SHQ1: variants seen among roughly 807,000 people sequenced by gnomAD.
SHQ1 encodes the protein protein SHQ1 homolog.
SHQ1 carries 49 observed loss-of-function variants against 53.8 expected under a neutral mutation model. That is an observed-to-expected ratio of 0.91 (90% CI 0.72 to 1.16). The LOEUF is 1.16. Ranked by LOEUF, SHQ1 falls within the 50% of genes most tolerant of loss-of-function variation. The pLI is 0.00. For missense variants in SHQ1, 738 were observed against 683.1 expected, an observed-to-expected ratio of 1.08 and a Z score of -0.90; for synonymous variants, 243 against 251.0, an observed-to-expected ratio of 0.97 and a Z score of 0.30.
chr3:72,735,153 A>G, the SHQ1 span, among the ~76,000 whole-genome samples: 1 of 151,770 alleles, frequency 6.6e-6, no homozygotes, highest in East Asian at 1.9e-4. Flanking sequence ...TCTCCTTTAG[A>G]GCCTTTCATA....
chr3:72,737,561 A>G, the SHQ1 span, among the ~76,000 whole-genome samples: 41 of 152,226 alleles, frequency 2.7e-4, no homozygotes, highest in Non-Finnish European at 5.7e-4. Context: ...AAATTTGCCA[A>G]TGCTCAAGTC....
chr3:72,841,324 A>G, intron 3 of SHQ1, 125 bp from the exon 4 acceptor site: 1 of 683,742 alleles, frequency 1.5e-6, no homozygotes, highest in South Asian at 2.5e-5. Flanking sequence ...TACTAAAAGA[A>G]TATTCATAGC....
At position 72,750,184 on chromosome 3, in the gene SHQ1, T is replaced by C. The variant is rs374881424; in HGVS notation, c.*100A>G. ...ACACACAAATACAGTGGGCTGACTA[T>C]ATACTAAGAAAAATTACAAAGTGAA... On this transcript the variant is annotated 3_prime_UTR_variant, in exon 11 of 11. Transcript: ENST00000325599. 5.6e-4 allele frequency: 581 copies of C among 1,039,066 alleles called. 3 individuals carry two copies. The Middle Eastern group carries it at 7.1e-3, about 13-fold the overall frequency. The allele number at this position is 1,039,066 out of a possible 1,614,324, so 64.4% of individuals were successfully genotyped here.
chr3:72,828,732 G>A (rs1038437078), intron 5 of SHQ1, among the ~76,000 whole-genome samples: 2 of 152,126 alleles, frequency 1.3e-5, no homozygotes, highest in Admixed American at 6.6e-5. Flanking sequence ...GTATAGGTGG[G>A]GAAATGCAAA....
intron 10 of SHQ1, among the ~76,000 whole-genome samples, chr3:72,754,654 TA>T (rs1256342455): frequency 6.6e-6 from 1 of 152,154 alleles, no homozygotes; most frequent in African/African-American, 2.4e-5. Flanking sequence ...GTGCTGGGAT[TA>T]CAGGCATGAG....
intron 10 of SHQ1, among the ~76,000 whole-genome samples, chr3:72,760,287 T>G (rs1705579665): frequency 6.6e-6 from 1 of 152,186 alleles, no homozygotes; most frequent in African/African-American, 2.4e-5. Flanking sequence ...AAGGAAATGA[T>G]ATACTAGAAT....
At position 72,848,303 on chromosome 3, in the gene SHQ1, T is replaced by C. The variant is rs930452431; in HGVS notation, c.38A>G (p.Asp13Gly). The C allele has an allele frequency of 6.2e-7, 1 of 1,614,006 alleles. No homozygotes were observed. The highest frequency in any genetic ancestry group is 8.5e-7 in the Non-Finnish European group (1 of 1,179,988). ...CACGCGGATGGCGATAGTCAGGAAG[T>C]CCGGATCCTGGCTGAGGTCGAACGC... ...TPAFDLSQDP[D>G]FLTIAIRVPY... Residue 13 changes from aspartate (D) to glycine (G), a missense_variant, in exon 1 of 11, where the codon GAC (aspartate) becomes GGC (glycine). Coordinates refer to ENST00000325599, the MANE Select transcript of SHQ1 (RefSeq NM_018130.3).
chr3:72,743,284 T>G, the SHQ1 span, among the ~76,000 whole-genome samples: 1 of 152,230 alleles, frequency 6.6e-6, no homozygotes, highest in African/African-American at 2.4e-5. Flanking sequence ...CCTGATTCAC[T>G]GGGATAATGT....
chr3:72,780,378 A>G (rs1484450536), intron 10 of SHQ1, among the ~76,000 whole-genome samples: 1 of 152,258 alleles, frequency 6.6e-6, no homozygotes. Context: ...AAACAAGCAG[A>G]CAGGACAAAT....
chr3:72,826,063 T>TA (rs1454216351), intron 5 of SHQ1, among the ~76,000 whole-genome samples: 23 of 152,234 alleles, frequency 1.5e-4, no homozygotes, highest in African/African-American at 5.3e-4. Flanking sequence ...AGAGAACAAG[T>TA]AAAAACCATA....
intron 8 of SHQ1, among the ~76,000 whole-genome samples, chr3:72,814,319 G>A (rs1339694487): frequency 6.6e-6 from 1 of 152,190 alleles, no homozygotes; most frequent in Non-Finnish European, 1.5e-5. Context: ...GGCAACATGA[G>A]GAACTCCAAT....
At chr3:72,799,742 ATATAT>A (rs1177957836) in intron 9 of SHQ1, among the ~76,000 whole-genome samples, 1 of 152,212 alleles carries the variant, frequency 6.6e-6, no homozygotes, top group Non-Finnish European at 1.5e-5. Context: ...TTAAAATTAC[ATATAT>A]TATCTGTATA....
chr3:72,779,334 G>C (rs985852897), intron 10 of SHQ1, among the ~76,000 whole-genome samples: 1 of 152,084 alleles, frequency 6.6e-6, no homozygotes, highest in East Asian at 1.9e-4. Context: ...ACCTTTTTTA[G>C]GTTAACTCCT....
At chr3:72,836,577 T>C (rs1708004451) in intron 4 of SHQ1, among the ~76,000 whole-genome samples, 1 of 152,134 alleles carries the variant, frequency 6.6e-6, no homozygotes, top group South Asian at 2.1e-4. Context: ...ATGCAACATG[T>C]ACACAGCAGA....
At chr3:72,747,986 C>A (rs1230039359), downstream of SHQ1, among the ~76,000 whole-genome samples, 7 of 149,500 alleles carry the variant, frequency 4.7e-5, no homozygotes, top group Non-Finnish European at 1.0e-4. Flanking sequence ...AAGACTGTCT[C>A]AAGGAAAAAA....
chr3:72,782,723 T>A (rs1403195973), intron 10 of SHQ1, among the ~76,000 whole-genome samples: 1 of 152,228 alleles, frequency 6.6e-6, no homozygotes, highest in East Asian at 1.9e-4. Context: ...AAAAGGAAAT[T>A]GTACTTGAAG....
intron 7 of SHQ1, among the ~76,000 whole-genome samples, chr3:72,816,740 T>C (rs1197371106): frequency 2.0e-5 from 3 of 152,346 alleles, no homozygotes; most frequent in Admixed American, 6.5e-5. Context: ...GATTTACATA[T>C]AATTTTTCAG....
chr3:72,812,990 G>C (rs1209732342), intron 8 of SHQ1, among the ~76,000 whole-genome samples, 196 bp from the exon 9 acceptor site: 1 of 152,130 alleles, frequency 6.6e-6, no homozygotes, highest in Non-Finnish European at 1.5e-5. Flanking sequence ...CTTAGTTTTT[G>C]TAATTTCTCA....
chr3:72,841,322 G>A, intron 3 of SHQ1, 123 bp from the exon 4 acceptor site: 61 of 589,946 alleles, frequency 1.0e-4, no homozygotes, highest in Middle Eastern at 4.8e-4. Context: ...TGTACTAAAA[G>A]AATATTCATA....
Sources: gnomAD v4.1 joint callset for allele counts (sites outside exome capture counted in the v4.1 genomes callset) on GRCh38, gnomAD v4.1.1 for gene constraint, MANE v1.5 for transcripts, NCBI Gene and HGNC (gene_info 2026-07-23, HGNC 2026-07-21) for gene names.